The following THSD7A variants were observed in gnomAD, a reference collection of about 807,000 sequenced individuals.
THSD7A encodes the protein thrombospondin type 1 domain containing 7A.
In THSD7A, 96 loss-of-function variants were observed where a neutral mutation model predicts 231.3. The observed-to-expected ratio is 0.41, with a 90% CI of 0.35 to 0.49. THSD7A has a LOEUF of 0.49. Among genes scored for constraint, THSD7A ranks in the 20% least tolerant of loss-of-function variants. THSD7A has a pLI of 0.05. For missense variants in THSD7A, 2,290 were observed against 2,070.2 expected (o/e 1.11, Z -2.06); for synonymous variants, 940 against 743.3 (o/e 1.26, Z -4.30).
intron 6 of THSD7A, among the ~76,000 whole-genome samples, chr7:11,523,255 A>T (rs1045035281): frequency 2.0e-5 from 3 of 152,116 alleles, no homozygotes; most frequent in Non-Finnish European, 2.9e-5. Flanking sequence ...AAAAATAAAA[A>T]GTCTTTATAG....
At chr7:11,723,403 A>C (rs1353934037) in intron 1 of THSD7A, among the ~76,000 whole-genome samples, 1 of 151,794 alleles carries the variant, frequency 6.6e-6, no homozygotes, top group African/African-American at 2.4e-5. Flanking sequence ...TGCAGCACAC[A>C]AATATGGCAC....
At chr7:11,671,236 G>A (rs2053804927) in intron 1 of THSD7A, among the ~76,000 whole-genome samples, 1 of 152,140 alleles carries the variant, frequency 6.6e-6, no homozygotes, top group Admixed American at 6.6e-5. Context: ...AAACCTAATG[G>A]CCAGCTCCTT....
At chr7:11,653,448 ATGTGTGTGTGTGTGTGTGTGTGTG>A (rs60933989) in intron 1 of THSD7A, among the ~76,000 whole-genome samples, 1 of 127,046 alleles carries the variant, frequency 7.9e-6, no homozygotes. Context: ...ACTCCCAGAT[ATGTGTGTGTGTGTGTGTGTGTGTG>A]TGTGTGTGTG....
chr7:11,509,049 G>A (rs966538347), intron 6 of THSD7A, among the ~76,000 whole-genome samples: 2 of 152,206 alleles, frequency 1.3e-5, no homozygotes, highest in East Asian at 3.9e-4. Flanking sequence ...TGTATTATAT[G>A]CTTAAAAATA....
chr7:11,604,034 A>C (rs908418227), intron 2 of THSD7A, among the ~76,000 whole-genome samples: 1 of 151,634 alleles, frequency 6.6e-6, no homozygotes, highest in Non-Finnish European at 1.5e-5. Context: ...ATAATAAAAA[A>C]AAAATGCCAA....
At chr7:11,657,051 A>C (rs1265218785) in intron 1 of THSD7A, among the ~76,000 whole-genome samples, 1 of 151,798 alleles carries the variant, frequency 6.6e-6, no homozygotes, top group Non-Finnish European at 1.5e-5. Flanking sequence ...TTGAAGAGTG[A>C]GGACAAGCAG....
intron 4 of THSD7A, among the ~76,000 whole-genome samples, chr7:11,544,587 G>C (rs62432837): frequency 2.0e-5 from 3 of 152,074 alleles, no homozygotes; most frequent in African/African-American, 7.2e-5. Context: ...TTAAATGAAA[G>C]TACTATGTCT....
intron 4 of THSD7A, among the ~76,000 whole-genome samples, chr7:11,558,762 G>C (rs1276899743): frequency 6.6e-6 from 1 of 152,136 alleles, no homozygotes; most frequent in African/African-American, 2.4e-5. Context: ...TTGGAAAAGT[G>C]TGAAAGGCAG....
chr7:11,589,138 C>T (rs921302481), intron 4 of THSD7A, among the ~76,000 whole-genome samples: 1 of 152,056 alleles, frequency 6.6e-6, no homozygotes, highest in Admixed American at 6.6e-5. Flanking sequence ...GCTCATATTC[C>T]TTCCCAAAAT....
intron 2 of THSD7A, among the ~76,000 whole-genome samples, 195 bp from the exon 3 acceptor site, chr7:11,593,697 G>A (rs941406636): frequency 6.6e-6 from 1 of 152,100 alleles, no homozygotes; most frequent in African/African-American, 2.4e-5. Flanking sequence ...ATATTCTTCT[G>A]TTTTCTAAGA....
intron 5 of THSD7A, 149 bp downstream of exon 5, chr7:11,542,813 G>A: frequency 2.4e-6 from 2 of 837,580 alleles, no homozygotes; most frequent in East Asian, 2.8e-5. Context: ...ACTATCACTG[G>A]AGAAGGTTAA....
chr7:11,528,259 C>T (rs750012946), intron 6 of THSD7A, among the ~76,000 whole-genome samples: 1 of 152,164 alleles, frequency 6.6e-6, no homozygotes, highest in Non-Finnish European at 1.5e-5. Flanking sequence ...CTTCTCTGCT[C>T]TCTGCCTTTC....
chr7:11,410,272 C>T (rs1213834058), intron 19 of THSD7A, among the ~76,000 whole-genome samples: 1 of 141,894 alleles, frequency 7.0e-6, no homozygotes, highest in Non-Finnish European at 1.5e-5. Context: ...AAGTTAGGTC[C>T]ACATGATAAA....
At chr7:11,703,326 C>G (rs995701586) in intron 1 of THSD7A, among the ~76,000 whole-genome samples, 4 of 151,144 alleles carry the variant, frequency 2.6e-5, no homozygotes, top group African/African-American at 9.7e-5. Flanking sequence ...CACACACACA[C>G]AAACTGTGCT....
chr7:11,568,898 T>G (rs1383453870), intron 4 of THSD7A, among the ~76,000 whole-genome samples: 1 of 150,596 alleles, frequency 6.6e-6, no homozygotes, highest in Non-Finnish European at 1.5e-5. Flanking sequence ...GATACAAAAT[T>G]AATATACAAA....
intron 1 of THSD7A, among the ~76,000 whole-genome samples, chr7:11,685,172 T>C (rs1584208947): frequency 6.6e-6 from 1 of 152,070 alleles, no homozygotes; most frequent in East Asian, 1.9e-4. Context: ...GCTAACTATA[T>C]GCAGCAGAAT....
intron 2 of THSD7A, among the ~76,000 whole-genome samples, chr7:11,601,660 T>C (rs972231895): frequency 6.6e-6 from 1 of 152,218 alleles, no homozygotes; most frequent in South Asian, 2.1e-4. Flanking sequence ...CAATGTGTGA[T>C]ACTACAATAA....
At chr7:11,399,376 C>CT (rs963528958) in intron 23 of THSD7A, among the ~76,000 whole-genome samples, 10 of 151,036 alleles carry the variant, frequency 6.6e-5, no homozygotes, top group East Asian at 1.9e-4. Flanking sequence ...GACAACTTTG[C>CT]TTTTTTTTTC....
chr7:11,525,729 A>G (rs1314854368), intron 6 of THSD7A, among the ~76,000 whole-genome samples: 2 of 152,168 alleles, frequency 1.3e-5, no homozygotes, highest in Non-Finnish European at 2.9e-5. Flanking sequence ...ACATAAAGAA[A>G]AAGTGTACAA....
Sources: allele counts gnomAD v4.1 joint callset (sites outside exome capture counted in the v4.1 genomes callset), GRCh38; gene constraint gnomAD v4.1.1; transcripts MANE v1.5; gene names NCBI Gene and HGNC (gene_info 2026-07-23, HGNC 2026-07-21).